Variants in PLEKHM1 observed in about 807,000 individuals in gnomAD.
PLEKHM1 encodes the protein pleckstrin homology domain-containing family M member 1.
Under a neutral mutation model 94.3 loss-of-function variants are expected in PLEKHM1, and 28 were observed. That is an observed-to-expected ratio of 0.30 (90% confidence interval 0.22 to 0.41). The LOEUF is 0.41. Among genes scored for constraint, PLEKHM1 ranks in the 10% least tolerant of loss-of-function variants. The pLI, the probability that PLEKHM1 is intolerant of heterozygous loss-of-function variation, is 1.00. For missense variants in PLEKHM1, 907 were observed against 1,358.6 expected, an observed-to-expected ratio of 0.67 and a Z score of 5.22; for synonymous variants, 424 against 581.2, an observed-to-expected ratio of 0.73 and a Z score of 3.89.
At chr17:45,441,340 G>A (rs571311636) in intron 9 of PLEKHM1, among the ~76,000 whole-genome samples, 51 of 152,288 alleles carry the variant, frequency 3.3e-4, no homozygotes, top group African/African-American at 1.2e-3. Flanking sequence ...GTGGTCCAGG[G>A]GAGCCCAATC....
chr17:45,450,728 G>A lies in PLEKHM1; in HGVS notation c.2533C>T (p.Pro845Ser), dbSNP rs758210532. The change falls in exon 8 of 12, where the codon CCC (proline) becomes TCC (serine). Residue 845 changes from proline to serine, a missense_variant. By Grantham distance (74) the Pro-to-Ser change is moderately conservative (BLOSUM62 -1). Around this residue, in one of 3 missense-constraint regions of PLEKHM1, gnomAD observed 254 missense variants for 451.1 expected, o/e 0.56. Transcript: ENST00000430334. ...SRQIGFSFVR[P>S]KLCAFSGLYY... ...AGGCCAGAGAAGGCACAGAGCTTGG[G>A]TCGTACAAAGGAGAAGCCGATCTGC... 1.8e-5 allele frequency: 29 copies of A among 1,590,824 alleles called. No individual in the cohort carries two copies. In the African/African-American group the frequency reaches 3.7e-4, roughly 20 times the overall value.
At position 45,436,647 on chromosome 17, in the gene PLEKHM1, G is replaced by A. The variant is rs776245112; in HGVS notation, c.*1211C>T. The stretch of plus-strand genomic sequence containing the variant: ...GCCTGGAGGGTCTGACCATCACTTT[G>A]AAAACAATTCCAGACTCCCACCCCA... On this transcript the variant is annotated 3_prime_UTR_variant, in exon 12 of 12. Coordinates refer to ENST00000430334, the MANE Select transcript of PLEKHM1 (RefSeq NM_014798.3). 2.2e-6 allele frequency: 1 copy of A among 454,028 alleles called. No individual in the cohort carries two copies. The highest frequency in any genetic ancestry group is 4.4e-6 in the Non-Finnish European group (1 of 226,814). The allele number at this position is 454,028 out of a possible 1,614,324, so 28.1% of individuals were successfully genotyped here. A position where few individuals can be genotyped will look rare whatever the true frequency, so the allele number is the denominator to read the frequency against.
Position 45,444,787 on chromosome 17 carries a change from G to GA in PLEKHM1, c.2837+682dup, listed in dbSNP as rs1198934808. Among the ~76,000 whole-genome samples the GA allele has an allele frequency of 6.6e-6, 1 of 152,002 alleles. No homozygotes were observed. The highest frequency in any genetic ancestry group is 1.5e-5 in the Non-Finnish European group (1 of 68,000). ...TCACCTTATAAGTCACTTCCTCCAG[G>GA]AAGTCCTTCCTGCTTTGTCCTCCTC... On this transcript the variant is annotated intron_variant, in intron 9 of 11. Transcript: ENST00000430334. This position sits in a 1 kb window ranked among gnomAD's most constrained non-coding sequence, Gnocchi z 5.0.
In PLEKHM1 at chr17:45,453,917, C is replaced by A; in HGVS notation, c.1935G>T (p.Glu645Asp). The A allele has an allele frequency of 1.9e-6, 3 of 1,613,822 alleles. No homozygotes were observed. The highest frequency in any genetic ancestry group is 2.5e-6 in the Non-Finnish European group (3 of 1,179,758). Residue 645 changes from glutamate (E) to aspartate (D), a missense_variant, in exon 7 of 12, where the codon GAG becomes GAT. Around this residue, in one of 3 missense-constraint regions of PLEKHM1, gnomAD observed 477 missense variants for 601.5 expected, o/e 0.79. Coordinates refer to ENST00000430334, the MANE Select transcript of PLEKHM1 (RefSeq NM_014798.3). The surrounding 1 kb of genome is among the most constrained non-coding windows in gnomAD (Gnocchi z 4.1). ...AGCCCTGGGGCGCCTCGGGGGGTTC[C>A]TCAGGCTGGTCTGGGTACTGCACGT... The part of the protein sequence containing the change: ...WVNVQYPDQP[E>D]EPPEAPQGCL...
At chr17:45,480,543 C>T (rs1211184090) in intron 2 of PLEKHM1, among the ~76,000 whole-genome samples, 10 of 152,082 alleles carry the variant, frequency 6.6e-5, no homozygotes, top group Non-Finnish European at 1.3e-4. Context: ...TTCATCACCC[C>T]AAAAAGAAAT....
At chr17:45,439,890 T>C (rs977104892) in intron 10 of PLEKHM1, 33 of 644,758 alleles carry the variant, frequency 5.1e-5, no homozygotes, top group Non-Finnish European at 7.5e-5. Context: ...CCAAATTCAC[T>C]GTACCCTCCC....
intron 4 of PLEKHM1, among the ~76,000 whole-genome samples, chr17:45,470,682 T>A (rs148840884): frequency 6.9e-6 from 1 of 144,786 alleles, no homozygotes. Flanking sequence ...TATTTGAGAC[T>A]GAGTCTCACT....
At chr17:45,461,352 G>A (rs2051146551) in intron 5 of PLEKHM1, among the ~76,000 whole-genome samples, 1 of 152,136 alleles carries the variant, frequency 6.6e-6, no homozygotes, top group Non-Finnish European at 1.5e-5. Context: ...TTCATTTTCC[G>A]GATGGTGTGC....
chr17:45,482,823 T>TA (rs2145352815), intron 1 of PLEKHM1, among the ~76,000 whole-genome samples: 1 of 152,136 alleles, frequency 6.6e-6, no homozygotes, highest in African/African-American at 2.4e-5. Flanking sequence ...CAAGGCCCTG[T>TA]AGGATTGAAA....
Position 45,458,430 on chromosome 17 carries a change from T to C in PLEKHM1, c.1318A>G (p.Ser440Gly), listed in dbSNP as rs1488319906. 1 of 1,613,216 alleles carries C rather than the reference T, an allele frequency of 6.2e-7. No individual in the cohort carries two copies. The highest frequency in any genetic ancestry group is 1.7e-5 in the Admixed American group (1 of 60,010). Residue 440 changes from serine (S) to glycine (G), a missense_variant, in exon 6 of 12, where the codon AGC becomes GGC. Physicochemically the swap from Ser to Gly is moderately conservative, Grantham distance 56 (BLOSUM62 0). This residue lies in a region of PLEKHM1 where 477 missense variants were observed against 601.5 expected (regional missense o/e 0.79). Transcript: ENST00000430334. ...VSSPTSPKNKSWISEDDFYRP... is the reference protein window; with the variant it reads ...VSSPTSPKNKGWISEDDFYRP... ...TAGAAGTCATCCTCTGAGATCCAGC[T>C]CTTGTTTTTCTGTTGGGAAAGAAGA...
At chr17:45,466,190 T>C (rs1250017496) in intron 5 of PLEKHM1, among the ~76,000 whole-genome samples, 5 of 152,160 alleles carry the variant, frequency 3.3e-5, no homozygotes, top group Non-Finnish European at 7.3e-5. Flanking sequence ...GTGAGGCCAA[T>C]CAGATATCCA....
chr17:45,487,405 C>A (rs1316008751), intron 1 of PLEKHM1, among the ~76,000 whole-genome samples: 1 of 152,178 alleles, frequency 6.6e-6, no homozygotes, highest in Non-Finnish European at 1.5e-5. Flanking sequence ...GACCAAAAGG[C>A]CTCAGGTCTT....
chr17:45,458,602 C>T (rs2051049868), intron 5 of PLEKHM1, among the ~76,000 whole-genome samples, 163 bp from the exon 6 acceptor site: 1 of 152,058 alleles, frequency 6.6e-6, no homozygotes, highest in Admixed American at 6.5e-5. Flanking sequence ...TCCTGAGTAG[C>T]TGGGATTACA....
chr17:45,467,411 T>C (rs1314195116), intron 5 of PLEKHM1, among the ~76,000 whole-genome samples: 1 of 152,246 alleles, frequency 6.6e-6, no homozygotes, highest in Non-Finnish European at 1.5e-5. Flanking sequence ...AGCTGCCATA[T>C]TGGACAGCAC....
At chr17:45,462,901 G>C (rs1466477911) in intron 5 of PLEKHM1, among the ~76,000 whole-genome samples, 1 of 151,960 alleles carries the variant, frequency 6.6e-6, no homozygotes, top group African/African-American at 2.4e-5. Context: ...GGCCAACATG[G>C]AGAAACCCCA....
At chr17:45,477,645 T>C (rs530481055) in intron 3 of PLEKHM1, 160 of 537,482 alleles carry the variant, frequency 3.0e-4, no homozygotes, top group Non-Finnish European at 4.9e-4. Flanking sequence ...CACCTGCTTT[T>C]TGTGACCAGT....
chr17:45,452,981 T>TA, intron 7 of PLEKHM1: 1 of 424,772 alleles, frequency 2.4e-6, no homozygotes, highest in Non-Finnish European at 4.4e-6. Flanking sequence ...GGTGTACACT[T>TA]ATAAAAGCAG....
chr17:45,458,269 C>T lies in PLEKHM1; in HGVS notation c.1479G>A (p.Ala493=), dbSNP rs371968983. 4.5e-5 allele frequency: 73 copies of T among 1,610,736 alleles called. No individual in the cohort carries two copies. Among genetic ancestry groups the T allele is most frequent in the South Asian group, 2.2e-4 (20 of 90,440 alleles). ...QEPRKNCSLG[A]LDQACVPSPG... is the part of the protein sequence containing the mutation. ...GGGAAGGTACACACGCTTGGTCTAA[C>T]GCCCCCAGGGAGCAGTTTTTTCTTG... The change falls in exon 6 of 12, where the codon GCG becomes GCA. Residue 493 remains alanine, a synonymous_variant. Transcript: ENST00000430334.
chr17:45,455,474 T>A (rs1021457947), intron 6 of PLEKHM1, among the ~76,000 whole-genome samples: 4 of 151,922 alleles, frequency 2.6e-5, no homozygotes, highest in Non-Finnish European at 2.9e-5. Context: ...TCCACATTCA[T>A]ATATCCACCT....
Sources: allele counts gnomAD v4.1 joint callset (sites outside exome capture counted in the v4.1 genomes callset), GRCh38; gene constraint gnomAD v4.1.1; regional missense constraint gnomAD v4.1.1; non-coding constraint Gnocchi (gnomAD v3.1); transcripts MANE v1.5; gene names NCBI Gene and HGNC (gene_info 2026-07-23, HGNC 2026-07-21).